The following MAP4 variants were observed in gnomAD, a reference collection of about 807,000 sequenced individuals.
MAP4 encodes microtubule-associated protein 4.
Under a neutral mutation model 170.2 loss-of-function variants are expected in MAP4, and 76 were observed. The ratio of observed to expected loss-of-function variants is 0.45; its 90% CI spans 0.37 to 0.54. The LOEUF (loss-of-function observed/expected upper bound fraction) is 0.54, where lower values mean the gene tolerates loss of function less well. Among genes scored for constraint, MAP4 ranks in the 20% least tolerant of loss-of-function variants. The pLI is 0.00. For synonymous variants in MAP4, 909 were observed against 994.5 expected, an observed-to-expected ratio of 0.91 and a Z score of 1.62; for missense variants, 2,506 against 2,748.0, an observed-to-expected ratio of 0.91 and a Z score of 1.97.
At position 47,853,196 on chromosome 3, in the gene MAP4, C is replaced by T. The variant is rs2046542439; in HGVS notation, c.6853G>A (p.Ala2285Thr). Residue 2285 changes from alanine to threonine, a missense_variant, in exon 20 of 21, where the codon GCC (alanine) becomes ACC (threonine). Around this residue, in one of 3 missense-constraint regions of MAP4, gnomAD observed 487 missense variants for 511.6 expected, o/e 0.95. Transcript: ENST00000683076. ...TGGATCTGGCTGTCCAAGGTCTGGG[C>T]CTCCCTTTGGTCACCACCCCCTGAC... is the stretch of plus-strand genomic sequence containing the variant. ...TLSGGGDQRE[A>T]QTLDSQIQET... 3 of 1,582,620 alleles carry T rather than the reference C, an allele frequency of 1.9e-6. No individual in the cohort carries two copies. Among genetic ancestry groups the T allele is most frequent in the Admixed American group, 3.5e-5 (2 of 56,652 alleles).
intron 9 of MAP4, 93 bp downstream of exon 9, chr3:47,908,945 G>A (rs1328842718): frequency 7.8e-7 from 1 of 1,282,528 alleles, no homozygotes; most frequent in African/African-American, 1.5e-5. Context: ...AGGATGATTA[G>A]AGTCTGGATG....
rs764376638 is a variant in MAP4, at chr3:47,909,697, A to T, written c.4724T>A (p.Leu1575His). Residue 1575 changes from leucine to histidine, a missense_variant, in exon 9 of 21, where the codon CTC becomes CAC. Leu to His is a moderately conservative substitution (Grantham distance 99). Around this residue, in one of 3 missense-constraint regions of MAP4, gnomAD observed 2,008 missense variants for 2,206.0 expected, o/e 0.91. Coordinates refer to ENST00000683076, the MANE Select transcript of MAP4 (RefSeq NM_001385682.1). ...EKVTELAKGH[L>H]LPGVPVEDQS... is the part of the protein sequence containing the mutation. ...GTCTTCTACTGGCACTCCAGGAAGG[A>T]GGTGACCTTTTGCTAGCTCTGTGAC... 16 of 1,613,874 alleles carry T rather than the reference A, an allele frequency of 9.9e-6. No homozygotes were observed. The East Asian group carries it at 3.6e-4, about 36-fold the overall frequency.
At chr3:48,058,280 A>G (rs903867450) in intron 1 of MAP4, among the ~76,000 whole-genome samples, 1 of 152,156 alleles carries the variant, frequency 6.6e-6, no homozygotes, top group African/African-American at 2.4e-5. Context: ...TTGTACGGAG[A>G]GAGGGAGGGA....
At chr3:47,924,006 G>C (rs2100044431) in intron 4 of MAP4, among the ~76,000 whole-genome samples, 1 of 152,092 alleles carries the variant, frequency 6.6e-6, no homozygotes, top group Non-Finnish European at 1.5e-5. Flanking sequence ...ACTAAATTCT[G>C]GATGGTTTGC....
chr3:47,959,533 G>A (rs2100070132), intron 3 of MAP4, among the ~76,000 whole-genome samples: 5 of 151,872 alleles, frequency 3.3e-5, no homozygotes, highest in Admixed American at 3.3e-4. Flanking sequence ...GAGGTGGGCA[G>A]ATCACAAGGT....
intron 3 of MAP4, among the ~76,000 whole-genome samples, chr3:47,947,237 C>T (rs2100060617): frequency 6.6e-6 from 1 of 152,176 alleles, no homozygotes; most frequent in South Asian, 2.1e-4. Flanking sequence ...TTTCTTCACA[C>T]TTGAATAAGA....
chr3:47,877,267 A>G, intron 11 of MAP4, 150 bp downstream of exon 11: 1 of 628,392 alleles, frequency 1.6e-6, no homozygotes, highest in Admixed American at 2.7e-5. Context: ...AAATGAGAAT[A>G]CAAGATATTT....
intron 2 of MAP4, among the ~76,000 whole-genome samples, chr3:47,993,392 G>A (rs2100093561): frequency 6.6e-6 from 1 of 152,176 alleles, no homozygotes; most frequent in South Asian, 2.1e-4. Flanking sequence ...CACCGTGGCA[G>A]ACCACCAATA....
At chr3:47,947,794 G>C (rs370297467) in intron 3 of MAP4, among the ~76,000 whole-genome samples, 3 of 134,456 alleles carry the variant, frequency 2.2e-5, no homozygotes, top group East Asian at 4.3e-4. Context: ...CTGGGCGACA[G>C]AGAGAGTCTC....
chr3:48,087,875 A>AGG (rs1166197021), intron 1 of MAP4, among the ~76,000 whole-genome samples: 1 of 152,156 alleles, frequency 6.6e-6, no homozygotes, highest in Non-Finnish European at 1.5e-5. Flanking sequence ...AAAGGAGAAA[A>AGG]GGGGGTTTCC....
At position 47,914,594 on chromosome 3, in the gene MAP4, GA is replaced by G. The variant is rs534545655; in HGVS notation, c.1999+222del. On this transcript the variant is annotated intron_variant, in intron 8 of 20. Coordinates refer to ENST00000683076, the MANE Select transcript of MAP4 (RefSeq NM_001385682.1). ...CAACAACAACAAAAAAAACAGTGGAGAAAAAAAAAATTAGGTATCCTGATTT... is the reference window on the plus strand; with the variant it reads ...CAACAACAACAAAAAAAACAGTGGAGAAAAAAAAATTAGGTATCCTGATTT... 3.0e-3 allele frequency among the ~76,000 whole-genome samples: 441 copies of G among 147,404 alleles called. 1 individual carries two copies. Among genetic ancestry groups the G allele is most frequent in the African/African-American group, 0.01 (419 of 40,224 alleles).
chr3:47,870,145 G>A (rs781400427), intron 15 of MAP4, among the ~76,000 whole-genome samples: 3 of 152,108 alleles, frequency 2.0e-5, no homozygotes, highest in Non-Finnish European at 4.4e-5. Flanking sequence ...ATTCTCAGAC[G>A]GACTTTCATC....
intron 1 of MAP4, among the ~76,000 whole-genome samples, chr3:48,055,176 GTCTCCCTCTCCC>G (rs145682966): frequency 0.42 from 61,240 of 145,534 alleles, 13,738 homozygotes; most frequent in South Asian, 0.53. Context: ...TCTTTAAAAA[GTCTCCCTCTCCC>G]TCTCCCTCTC....
intron 3 of MAP4, among the ~76,000 whole-genome samples, chr3:47,952,612 G>A (rs1488961228): frequency 6.6e-6 from 1 of 151,512 alleles, no homozygotes; most frequent in African/African-American, 2.4e-5. Context: ...TCTGAAACAT[G>A]TGCTGTGTCC....
At chr3:48,017,200 C>T (rs1018769415), upstream of MAP4, among the ~76,000 whole-genome samples, 6 of 152,140 alleles carry the variant, frequency 3.9e-5, no homozygotes, top group African/African-American at 9.6e-5. Context: ...AAAGGATCGG[C>T]GAAAAGAGCC....
chr3:48,030,314 T>C (rs573357420), intron 1 of MAP4, among the ~76,000 whole-genome samples: 37 of 151,906 alleles, frequency 2.4e-4, no homozygotes, highest in Non-Finnish European at 3.8e-4. Flanking sequence ...GACACCCCAG[T>C]AAAGCAACAG....
At chr3:48,074,509 CT>C (rs1167906300) in intron 1 of MAP4, among the ~76,000 whole-genome samples, 1,404 of 112,532 alleles carry the variant, frequency 0.012, 5 homozygotes, top group Non-Finnish European at 0.015. Context: ...TATACACACA[CT>C]TTTTTTTTTT....
Position 47,871,221 on chromosome 3 carries a change from T to A in MAP4, c.6001+6A>T. On this transcript the variant is annotated splice_donor_region_variant and intron_variant, in intron 14 of 20. Transcript: ENST00000683076. ...GGGCTCTACAAAATGGCGGATGGGCTATTACCTGGTACAGACTTTGCAGTC... is the reference window on the plus strand; with the variant it reads ...GGGCTCTACAAAATGGCGGATGGGCAATTACCTGGTACAGACTTTGCAGTC... 1.9e-6 allele frequency: 3 copies of A among 1,614,190 alleles called. No individual in the cohort carries two copies. The highest frequency in any genetic ancestry group is 2.5e-6 in the Non-Finnish European group (3 of 1,180,002).
intron 4 of MAP4, among the ~76,000 whole-genome samples, chr3:47,926,147 C>T (rs571420720): frequency 1.5e-4 from 23 of 151,590 alleles, no homozygotes; most frequent in East Asian, 1.2e-3. Flanking sequence ...TGAGCCACCA[C>T]GCCCGGCCAA....
Sources: allele counts gnomAD v4.1 joint callset (sites outside exome capture counted in the v4.1 genomes callset), GRCh38; gene constraint gnomAD v4.1.1; regional missense constraint gnomAD v4.1.1; transcripts MANE v1.5; gene names NCBI Gene and HGNC (gene_info 2026-07-23, HGNC 2026-07-21).